The following RASGRP3 variants were observed in gnomAD, a reference collection of about 807,000 sequenced individuals.
RASGRP3 encodes RAS guanyl releasing protein 3, also known as ras guanyl-releasing protein 3.
A neutral mutation model predicts 82.7 loss-of-function variants in RASGRP3; 54 were observed. The ratio of observed to expected loss-of-function variants is 0.65; its 90% CI spans 0.52 to 0.82. The LOEUF is 0.82. Ranked by LOEUF, RASGRP3 falls within the 40% of genes least tolerant of loss-of-function variation. RASGRP3 has a pLI of 0.00. For synonymous variants in RASGRP3, 309 were observed against 300.5 expected, an observed-to-expected ratio of 1.03 and a Z score of -0.29; for missense variants, 861 against 828.9, an observed-to-expected ratio of 1.04 and a Z score of -0.48.
chr2:33,449,916 G>A (rs1263772582), intron 2 of RASGRP3, among the ~76,000 whole-genome samples: 1 of 152,052 alleles, frequency 6.6e-6, no homozygotes, highest in African/African-American at 2.4e-5. Flanking sequence ...AAAACTAAGT[G>A]CCTTTAAACA....
At chr2:33,488,884 A>G (rs1668617304) in intron 1 of RASGRP3, among the ~76,000 whole-genome samples, 1 of 152,234 alleles carries the variant, frequency 6.6e-6, no homozygotes, top group African/African-American at 2.4e-5. Context: ...AACTCAGTCA[A>G]ATAGCCAGGC....
At chr2:33,454,643 T>C (rs1323108440) in intron 2 of RASGRP3, among the ~76,000 whole-genome samples, 2 of 152,166 alleles carry the variant, frequency 1.3e-5, no homozygotes, top group Non-Finnish European at 2.9e-5. Flanking sequence ...CACCCATCTC[T>C]CATCATAGCA....
chr2:33,482,139 G>C (rs938056137), intron 1 of RASGRP3: 1 of 152,052 alleles, frequency 6.6e-6, no homozygotes, highest in Admixed American at 6.6e-5. Context: ...TCAGCCTCCC[G>C]AGTAGCTGGG....
chr2:33,485,790 T>G (rs962894553), intron 1 of RASGRP3, among the ~76,000 whole-genome samples: 1 of 152,222 alleles, frequency 6.6e-6, no homozygotes, highest in Admixed American at 6.5e-5. Flanking sequence ...TTTCAACCTC[T>G]CTTTGGAATT....
intron 2 of RASGRP3, among the ~76,000 whole-genome samples, chr2:33,453,940 C>G (rs897947151): frequency 6.6e-6 from 1 of 152,032 alleles, no homozygotes; most frequent in Admixed American, 6.6e-5. Flanking sequence ...TTTTCACTAT[C>G]CTGGAGGCTG....
In RASGRP3 at chr2:33,480,042, A is replaced by ATTTT. The variant is rs397868583; in HGVS notation, c.-261+3352_-261+3355dup. On this transcript the variant is annotated intron_variant, in intron 1 of 17. Transcript: ENST00000403687. ...AAGCTATTTATAGCATGAAAGAGGA[A>ATTTT]TTTTTTTTTTTTTTTTTTTTGAGAC... 1.4e-4 allele frequency among the ~76,000 whole-genome samples: 18 copies of ATTTT among 131,878 alleles called. 1 individual carries two copies. The highest frequency in any genetic ancestry group is 2.2e-4 in the East Asian group (1 of 4,502). The allele number at this position is 131,878 out of a possible 152,430, so 86.5% of individuals were successfully genotyped here. A position where few individuals can be genotyped will look rare whatever the true frequency, so the allele number is the denominator to read the frequency against.
At chr2:33,442,064 G>T (rs1665253159) in intron 1 of RASGRP3, among the ~76,000 whole-genome samples, 1 of 152,078 alleles carries the variant, frequency 6.6e-6, no homozygotes, top group Non-Finnish European at 1.5e-5. Flanking sequence ...ACAAAATTAT[G>T]TATATAGTGT....
chr2:33,544,141 C>G (rs1674523175), intron 13 of RASGRP3, among the ~76,000 whole-genome samples: 1 of 152,112 alleles, frequency 6.6e-6, no homozygotes, highest in Non-Finnish European at 1.5e-5. Context: ...TGGTGAAACT[C>G]TGTCTCTACT....
At position 33,464,677 on chromosome 2, in the gene RASGRP3, A is replaced by G. The variant is rs1039349511; in HGVS notation, c.-261+16734A>G. Among the ~76,000 whole-genome samples the G allele has an allele frequency of 2.0e-5, 3 of 151,998 alleles. No individual in the cohort carries two copies. The South Asian group carries it at 6.2e-4, about 31-fold the overall frequency. ...CATTTTGAAGAGATGGGGTTTCACTATGTTGCCCAGGTTAGTCTCAAACTC... is the reference window on the plus strand; with the variant it reads ...CATTTTGAAGAGATGGGGTTTCACTGTGTTGCCCAGGTTAGTCTCAAACTC... On this transcript the variant is annotated intron_variant, in intron 2 of 18. Transcript: ENST00000402538.
chr2:33,444,067 C>T (rs980905662), intron 1 of RASGRP3, among the ~76,000 whole-genome samples: 7 of 152,078 alleles, frequency 4.6e-5, no homozygotes, highest in Admixed American at 2.6e-4. Flanking sequence ...TTTTGGGAGG[C>T]AAAGGTGGGA....
intron 1 of RASGRP3, chr2:33,483,013 G>C (rs114493210): frequency 6.7e-6 from 1 of 149,752 alleles, no homozygotes; most frequent in Non-Finnish European, 1.5e-5. Context: ...CCTTTCAAGA[G>C]GACAAAAGGG....
At chr2:33,438,955 G>A (rs1164503485) in intron 1 of RASGRP3, among the ~76,000 whole-genome samples, 1 of 152,046 alleles carries the variant, frequency 6.6e-6, no homozygotes, top group Non-Finnish European at 1.5e-5. Flanking sequence ...GAGGGATGTG[G>A]GAGAAGCATG....
intron 1 of RASGRP3, among the ~76,000 whole-genome samples, chr2:33,437,803 A>T (rs184104879): frequency 1.1e-4 from 17 of 152,178 alleles, no homozygotes; most frequent in African/African-American, 4.1e-4. Context: ...AAAGATCATG[A>T]TTTCTTAGCT....
intron 2 of RASGRP3, among the ~76,000 whole-genome samples, chr2:33,464,795 C>T (rs1666593952): frequency 6.6e-6 from 1 of 152,116 alleles, no homozygotes; most frequent in Non-Finnish European, 1.5e-5. Context: ...TTTGATGTTA[C>T]TATTGTAAGT....
chr2:33,484,055 A>G (rs1668160236), intron 1 of RASGRP3, among the ~76,000 whole-genome samples: 1 of 152,188 alleles, frequency 6.6e-6, no homozygotes, highest in South Asian at 2.1e-4. Context: ...GTTTTGAGAA[A>G]GTAAAAATTT....
At chr2:33,479,550 C>T (rs760186927) in intron 1 of RASGRP3, among the ~76,000 whole-genome samples, 20 of 152,078 alleles carry the variant, frequency 1.3e-4, no homozygotes, top group African/African-American at 3.1e-4. Flanking sequence ...TGCCACTCTG[C>T]GCTGTTTTTT....
At chr2:33,517,098 GC>G (rs1348580485) in intron 4 of RASGRP3, among the ~76,000 whole-genome samples, 4 of 152,116 alleles carry the variant, frequency 2.6e-5, no homozygotes, top group Non-Finnish European at 4.4e-5. Context: ...ATCTCCCCTT[GC>G]TGCCAAGACA....
At chr2:33,488,953 G>A (rs543160045) in intron 1 of RASGRP3, among the ~76,000 whole-genome samples, 169 of 149,782 alleles carry the variant, frequency 1.1e-3, no homozygotes, top group African/African-American at 4.0e-3. Flanking sequence ...GGGTTTGACC[G>A]ATTTTTTTTT....
chr2:33,503,245 C>T (rs1271382530), intron 1 of RASGRP3, among the ~76,000 whole-genome samples: 1 of 152,088 alleles, frequency 6.6e-6, no homozygotes, highest in Non-Finnish European at 1.5e-5. Context: ...AGGGCAGAGT[C>T]GTAGTATTTA....
Sources: allele counts gnomAD v4.1 joint callset (sites outside exome capture counted in the v4.1 genomes callset), GRCh38; gene constraint gnomAD v4.1.1; transcripts MANE v1.5; gene names NCBI Gene and HGNC (gene_info 2026-07-23, HGNC 2026-07-21).